Variants in TTF2 observed in about 807,000 individuals in gnomAD.
TTF2 encodes the protein transcription termination factor 2.
In TTF2, 108 loss-of-function variants were observed where a neutral mutation model predicts 142.4. The observed-to-expected ratio is 0.76, with a 90% CI of 0.65 to 0.89. TTF2 has a LOEUF of 0.89. Among genes scored for constraint, TTF2 ranks in the 40% least tolerant of loss-of-function variants. TTF2 has a pLI of 0.00. For missense variants in TTF2, 1,327 were observed against 1,379.8 expected, an observed-to-expected ratio of 0.96 and a Z score of 0.61; for synonymous variants, 483 against 506.2, an observed-to-expected ratio of 0.95 and a Z score of 0.61.
intron 9 of TTF2, among the ~76,000 whole-genome samples, chr1:117,081,086 C>T (rs768328076): frequency 6.6e-6 from 1 of 152,196 alleles, no homozygotes; most frequent in African/African-American, 2.4e-5. Context: ...ACCTTACATC[C>T]GAGTTTCCAG....
Position 117,096,213 on chromosome 1 carries a change from C to G in TTF2, c.3100C>G (p.Leu1034Val). ...AGCATTGCACCTGAAGAAGCATGGA[C>G]TGACTTATGCCACCATCGATGGCTC... is the stretch of plus-strand genomic sequence containing the variant. ...VVALHLKKHG[L>V]TYATIDGSVN... Residue 1034 changes from leucine (L) to valine (V), a missense_variant, in exon 20 of 23, where the codon CTG (leucine) becomes GTG (valine). Leu to Val is a conservative substitution (Grantham distance 32). Transcript: ENST00000369466. 2 of 1,614,142 alleles carry G rather than the reference C, an allele frequency of 1.2e-6. No homozygotes were observed. The highest frequency in any genetic ancestry group is 1.7e-6 in the Non-Finnish European group (2 of 1,180,022).
In TTF2 at chr1:117,101,493, T is replaced by G; in HGVS notation, c.3458T>G (p.Leu1153Trp). ...GGAGAATCTGTCACCAAGCTCACCTTGGCTGACCTCAGAGTCCTTTTTGGC... is the reference window on the plus strand; with the variant it reads ...GGAGAATCTGTCACCAAGCTCACCTGGGCTGACCTCAGAGTCCTTTTTGGC... ...GSGESVTKLT[L>W]ADLRVLFGI The change falls in exon 23 of 23, where the codon TTG becomes TGG. Residue 1153 changes from leucine to tryptophan, a missense_variant. Transcript: ENST00000369466. This position sits in a 1 kb window ranked among gnomAD's most constrained non-coding sequence, Gnocchi z 5.9. 1.9e-6 allele frequency: 3 copies of G among 1,601,382 alleles called. No homozygotes were observed. Among genetic ancestry groups the G allele is most frequent in the Non-Finnish European group, 2.5e-6 (3 of 1,177,030 alleles).
Position 117,073,831 on chromosome 1 carries a change from C to G in TTF2, c.285+104C>G. 1 of 1,043,790 alleles carries G rather than the reference C, an allele frequency of 9.6e-7. No individual in the cohort carries two copies. The highest frequency in any genetic ancestry group is 2.6e-5 in the East Asian group (1 of 38,226). 64.7% of individuals were successfully genotyped at this position (1,043,790 alleles called of 1,614,324 possible). A position where few individuals can be genotyped will look rare whatever the true frequency, so the allele number is the denominator to read the frequency against. On this transcript the variant is annotated intron_variant, in intron 4 of 22. Transcript: ENST00000369466. This position sits in a 1 kb window ranked among gnomAD's most constrained non-coding sequence, Gnocchi z 4.4. ...TTCACGTAAATGAGTTGGTCTTCAT[C>G]AGACTGTCTCCGAAAGATAGTTTTC... is the stretch of plus-strand genomic sequence containing the variant.
Position 117,075,752 on chromosome 1 carries a change from A to G in TTF2, c.1168A>G (p.Ser390Gly), listed in dbSNP as rs1656953635. 2 of 1,614,208 alleles carry G rather than the reference A, an allele frequency of 1.2e-6. No homozygotes were observed. Among genetic ancestry groups the G allele is most frequent in the South Asian group, 2.2e-5 (2 of 91,086 alleles). ...GGAAAACCTCCAATTCCCTGATCGA[A>G]GTGTGCAAAGAAAGGTGTCTCCTGC... is the stretch of plus-strand genomic sequence containing the variant. The part of the protein sequence containing the change: ...TKENLQFPDR[S>G]VQRKVSPASG... Residue 390 changes from serine (S) to glycine (G), a missense_variant, in exon 5 of 23, where the codon AGT becomes GGT. Transcript: ENST00000369466. This position sits in a 1 kb window ranked among gnomAD's most constrained non-coding sequence, Gnocchi z 4.5.
chr1:117,101,688 A>C lies in TTF2; in HGVS notation c.*164A>C, dbSNP rs1032142107. ...AGGCATAATCTTATCCCCAGAATTGAGGAGGGGTTGTGTTAACCAATTAGT... is the reference window on the plus strand; with the variant it reads ...AGGCATAATCTTATCCCCAGAATTGCGGAGGGGTTGTGTTAACCAATTAGT... On this transcript the variant is annotated 3_prime_UTR_variant, in exon 23 of 23. Transcript: ENST00000369466. The surrounding 1 kb of genome is among the most constrained non-coding windows in gnomAD (Gnocchi z 5.9). 1.4e-6 allele frequency: 1 copy of C among 704,556 alleles called. No individual in the cohort carries two copies. The allele number at this position is 704,556 out of a possible 1,614,324, so 43.6% of individuals were successfully genotyped here.
rs1293329744 is a variant in TTF2 at position 117,075,221 on chromosome 1, A to G, written c.637A>G (p.Lys213Glu). Reference sequence around the variant, plus strand: ...TGAGGCAGAGACTGGAGGCACACACAAAAGAGACTTTTCTGAAATTAAATC... The same window carrying G: ...TGAGGCAGAGACTGGAGGCACACACGAAAGAGACTTTTCTGAAATTAAATC... ...QCEAETGGTH[K>E]RDFSEIKSQQ... is the part of the protein sequence containing the mutation. The change falls in exon 5 of 23, where the codon AAA (lysine) becomes GAA (glutamate). Residue 213 changes from lysine (K) to glutamate (E), a missense_variant. Physicochemically the swap from Lys to Glu is moderately conservative, Grantham distance 56. Transcript: ENST00000369466. The surrounding 1 kb of genome is among the most constrained non-coding windows in gnomAD (Gnocchi z 4.5). 2 of 1,614,130 alleles carry G rather than the reference A, an allele frequency of 1.2e-6. No homozygotes were observed. The highest frequency in any genetic ancestry group is 2.2e-5 in the South Asian group (2 of 91,094).
chr1:117,079,005 C>T lies in TTF2; in HGVS notation c.1702-563C>T, dbSNP rs539721680. Among the ~76,000 whole-genome samples, 7 of 152,128 alleles carry T rather than the reference C, an allele frequency of 4.6e-5. No homozygotes were observed. The South Asian group carries it at 1.0e-3, about 23-fold the overall frequency. ...CTATAATCCCAGCACTTTCGGAGGC[C>T]GAGGCAGGCAGATCACTTGAGGCCA... On this transcript the variant is annotated intron_variant, in intron 8 of 22. Coordinates refer to ENST00000369466, the MANE Select transcript of TTF2 (RefSeq NM_003594.4). The surrounding 1 kb of genome is among the most constrained non-coding windows in gnomAD (Gnocchi z 4.2).
rs183586046 is a variant in TTF2, at chr1:117,073,273, G to A, written c.219-388G>A. ...TTTGTTTTGGCTTCGTTGTTTTGGG[G>A]TTTTTTTTGGGGCAACATTGCTTTG... On this transcript the variant is annotated intron_variant, in intron 3 of 22. Coordinates refer to ENST00000369466, the MANE Select transcript of TTF2 (RefSeq NM_003594.4). The surrounding 1 kb of genome is among the most constrained non-coding windows in gnomAD (Gnocchi z 4.4). 1.3e-5 allele frequency among the ~76,000 whole-genome samples: 2 copies of A among 151,718 alleles called. No homozygotes were observed. Among genetic ancestry groups the A allele is most frequent in the South Asian group, 4.2e-4 (2 of 4,808 alleles).
At chr1:117,067,419 A>G (rs1656227388) in intron 3 of TTF2, among the ~76,000 whole-genome samples, 1 of 151,274 alleles carries the variant, frequency 6.6e-6, no homozygotes, top group African/African-American at 2.4e-5. Flanking sequence ...AATCCCAGCT[A>G]CTCAGTAGGC....
At position 117,092,638 on chromosome 1, in the gene TTF2, C is replaced by G; in HGVS notation, c.2806-93C>G. On this transcript the variant is annotated intron_variant, in intron 17 of 22. Transcript: ENST00000369466. The surrounding 1 kb of genome is among the most constrained non-coding windows in gnomAD (Gnocchi z 4.4). ...ATGACAAATTACAAGATATTTTGCT[C>G]TGTGAAGTGGTAAACAATCAAAACA... 1 of 1,397,606 alleles carries G rather than the reference C, an allele frequency of 7.2e-7. No individual in the cohort carries two copies. Among genetic ancestry groups the G allele is most frequent in the Non-Finnish European group, 9.7e-7 (1 of 1,028,434 alleles). The allele number at this position is 1,397,606 out of a possible 1,614,324, so 86.6% of individuals were successfully genotyped here.
At position 117,097,368 on chromosome 1, in the gene TTF2, C is replaced by A; in HGVS notation, c.3204C>A (p.Leu1068=). 2 of 1,614,116 alleles carry A rather than the reference C, an allele frequency of 1.2e-6. No individual in the cohort carries two copies. Among genetic ancestry groups the A allele is most frequent in the Non-Finnish European group, 1.7e-6 (2 of 1,180,012 alleles). ...TTTTGAAGGTAATGCTAATCTCTCTCTTGGCCGGAGGTGTTGGTCTAAACC... is the reference window on the plus strand; with the variant it reads ...TTTTGAAGGTAATGCTAATCTCTCTATTGGCCGGAGGTGTTGGTCTAAACC... The part of the protein sequence containing the change: ...SRGPQVMLIS[L]LAGGVGLNLT... Residue 1068 remains leucine (L), a synonymous_variant, in exon 21 of 23, where the codon CTC becomes CTA. Coordinates refer to ENST00000369466, the MANE Select transcript of TTF2 (RefSeq NM_003594.4). This position sits in a 1 kb window ranked among gnomAD's most constrained non-coding sequence, Gnocchi z 4.1.
rs750145337 is a variant in TTF2, at chr1:117,062,411, G to C, written c.156G>C (p.Leu52Phe). 14 of 1,613,210 alleles carry C rather than the reference G, an allele frequency of 8.7e-6. No homozygotes were observed. Among genetic ancestry groups the C allele is most frequent in the Non-Finnish European group, 1.2e-5 (14 of 1,179,768 alleles). Residue 52 changes from leucine (L) to phenylalanine (F), a missense_variant, in exon 3 of 23, where the codon TTG (leucine) becomes TTC (phenylalanine). Leu to Phe is a conservative substitution (Grantham distance 22, BLOSUM62 0). Transcript: ENST00000369466. ...ATDIPVSHCL[L>F]HEDFVVELQG... ...GCATTCCTGTTTCCCATTGCTTATTGCATGAGGACTTTGTGGTAGAGCTTC... is the reference window on the plus strand; with the variant it reads ...GCATTCCTGTTTCCCATTGCTTATTCCATGAGGACTTTGTGGTAGAGCTTC...
At position 117,085,363 on chromosome 1, in the gene TTF2, A is replaced by G. The variant is rs1443588403; in HGVS notation, c.2055-1054A>G. Among the ~76,000 whole-genome samples the G allele has an allele frequency of 1.3e-5, 2 of 152,108 alleles. No homozygotes were observed. The highest frequency in any genetic ancestry group is 4.8e-5 in the African/African-American group (2 of 41,410). On this transcript the variant is annotated intron_variant, in intron 11 of 22. Coordinates refer to ENST00000369466, the MANE Select transcript of TTF2 (RefSeq NM_003594.4). This position sits in a 1 kb window ranked among gnomAD's most constrained non-coding sequence, Gnocchi z 4.7. The stretch of plus-strand genomic sequence containing the variant: ...GAGCTCAGGAGTTCGAGACCAGCCT[A>G]GGCAACATGGTGAAACCCATCTCTA...
chr1:117,090,445 A>T lies in TTF2; in HGVS notation c.2497-87A>T. ...GAAGCTGCATTCCAGGGTTGACTAG[A>T]TATGCAGTGTCAGTATGGGGAATTT... On this transcript the variant is annotated intron_variant, in intron 14 of 22. Transcript: ENST00000369466. This position sits in a 1 kb window ranked among gnomAD's most constrained non-coding sequence, Gnocchi z 4.8. The T allele has an allele frequency of 7.7e-7, 1 of 1,296,606 alleles. No homozygotes were observed. Among genetic ancestry groups the T allele is most frequent in the Non-Finnish European group, 1.1e-6 (1 of 909,284 alleles). 80.3% of individuals were successfully genotyped at this position (1,296,606 alleles called of 1,614,324 possible). A position where few individuals can be genotyped will look rare whatever the true frequency, so the allele number is the denominator to read the frequency against.
In TTF2 at chr1:117,092,961, G is replaced by A; in HGVS notation, c.2976+60G>A. On this transcript the variant is annotated intron_variant, in intron 18 of 22. Coordinates refer to ENST00000369466, the MANE Select transcript of TTF2 (RefSeq NM_003594.4). This position sits in a 1 kb window ranked among gnomAD's most constrained non-coding sequence, Gnocchi z 4.4. ...TTCGATTCCTCACACATTTTCCTGT[G>A]TGACAGCACTTCATTTGTCCAAGTG... The A allele has an allele frequency of 6.3e-7, 1 of 1,586,116 alleles. No homozygotes were observed. Among genetic ancestry groups the A allele is most frequent in the South Asian group, 1.1e-5 (1 of 87,906 alleles).
chr1:117,065,529 A>G (rs1214881388), intron 3 of TTF2, among the ~76,000 whole-genome samples: 1 of 152,174 alleles, frequency 6.6e-6, no homozygotes, highest in Non-Finnish European at 1.5e-5. Context: ...ACCCGGAGGC[A>G]GAGCTTACAG....
chr1:117,088,964 A>G lies in TTF2; in HGVS notation c.2324A>G (p.Asp775Gly). Residue 775 changes from aspartate (D) to glycine (G), a missense_variant, in exon 13 of 23, where the codon GAT becomes GGT. Asp to Gly is a moderately conservative substitution (Grantham distance 94). Transcript: ENST00000369466. Reference protein sequence around the residue: ...TGTPIQNNLLDMYSLLKFLRC... With the variant: ...TGTPIQNNLLGMYSLLKFLRC... ...ACCCCCATTCAAAACAACTTATTGG[A>G]TATGTATTCGCTGCTGAAGTGAGTA... The G allele has an allele frequency of 6.2e-7, 1 of 1,612,492 alleles. No individual in the cohort carries two copies. The highest frequency in any genetic ancestry group is 8.5e-7 in the Non-Finnish European group (1 of 1,179,386).
In TTF2 at chr1:117,088,830, C is replaced by T; in HGVS notation, c.2190C>T (p.Ala730=). 1.2e-6 allele frequency: 2 copies of T among 1,613,884 alleles called. No homozygotes were observed. Among genetic ancestry groups the T allele is most frequent in the Non-Finnish European group, 1.7e-6 (2 of 1,179,898 alleles). ...EGTSTPLLRI[A]WARIILDEAH... ...CCTCAACACCTTTGCTTCGAATAGCCTGGGCTCGAATCATATTGGATGAAG... is the reference window on the plus strand; with the variant it reads ...CCTCAACACCTTTGCTTCGAATAGCTTGGGCTCGAATCATATTGGATGAAG... Residue 730 remains alanine, a synonymous_variant, in exon 13 of 23, where the codon GCC becomes GCT. Coordinates refer to ENST00000369466, the MANE Select transcript of TTF2 (RefSeq NM_003594.4).
chr1:117,094,627 T>G, intron 18 of TTF2: 1 of 480,842 alleles, frequency 2.1e-6, no homozygotes, highest in Admixed American at 2.3e-5. Context: ...CTCTTTCACT[T>G]TCTTCTTCAG....
Sources: gnomAD v4.1 joint callset for allele counts (sites outside exome capture counted in the v4.1 genomes callset) on GRCh38, gnomAD v4.1.1 for gene constraint, Gnocchi (gnomAD v3.1) non-coding constraint, MANE v1.5 for transcripts, NCBI Gene and HGNC (gene_info 2026-07-23, HGNC 2026-07-21) for gene names.